The following CNR1 variants were observed in gnomAD, a reference collection of about 807,000 sequenced individuals.
The protein encoded by CNR1 is cannabinoid receptor 1 (brain).
In CNR1, 10 loss-of-function variants were observed where a neutral mutation model predicts 23.0. The ratio of observed to expected loss-of-function variants is 0.43; its 90% CI spans 0.27 to 0.74. The LOEUF (loss-of-function observed/expected upper bound fraction) is 0.74, where lower values mean the gene tolerates loss of function less well. Among genes scored for constraint, CNR1 ranks in the 30% least tolerant of loss-of-function variants. The pLI is 0.19. For synonymous variants in CNR1, 271 were observed against 255.2 expected (o/e 1.06, Z -0.59); for missense variants, 422 against 618.8 (o/e 0.68, Z 3.37).
At chr6:88,166,783 G>A (rs1211665151), upstream of CNR1, among the ~76,000 whole-genome samples, 2 of 128,546 alleles carry the variant, frequency 1.6e-5, no homozygotes, top group African/African-American at 5.3e-5. Flanking sequence ...CTGGGGCAGC[G>A]GGCTGAGCCG....
intron 1 of CNR1, among the ~76,000 whole-genome samples, chr6:88,160,269 TCAA>T (rs1187309800): frequency 2.0e-5 from 3 of 152,138 alleles, no homozygotes; most frequent in Non-Finnish European, 4.4e-5. Flanking sequence ...CCAGCCTGGG[TCAA>T]CAGTGAGACT....
chr6:88,146,119 C>A (rs775573275), intron 1 of CNR1, among the ~76,000 whole-genome samples: 1 of 151,282 alleles, frequency 6.6e-6, no homozygotes, highest in Non-Finnish European at 1.5e-5. Flanking sequence ...TTCTTTCTTT[C>A]TTTTTGATAC....
At chr6:88,148,966 T>A (rs368130003) in intron 1 of CNR1, among the ~76,000 whole-genome samples, 1 of 152,176 alleles carries the variant, frequency 6.6e-6, no homozygotes, top group Non-Finnish European at 1.5e-5. Context: ...ATTGAGGGTT[T>A]TTTTTAGTCT....
chr6:88,145,477 A>G (rs893508135), intron 1 of CNR1, 140 bp from the exon 2 acceptor site: 1 of 546,660 alleles, frequency 1.8e-6, no homozygotes, highest in African/African-American at 1.9e-5. Context: ...TTCTCATCAG[A>G]TTCAGTCAAC....
At chr6:88,163,823 A>G (rs1778230379) in intron 1 of CNR1, among the ~76,000 whole-genome samples, 1 of 152,242 alleles carries the variant, frequency 6.6e-6, no homozygotes, top group Non-Finnish European at 1.5e-5. Flanking sequence ...GAAATGCCAA[A>G]AAGAACACAC....
intron 1 of CNR1, among the ~76,000 whole-genome samples, chr6:88,149,693 A>G (rs934105435): frequency 6.6e-6 from 1 of 152,216 alleles, no homozygotes; most frequent in African/African-American, 2.4e-5. Context: ...TTATCTGGAT[A>G]GAAGCTCTCT....
rs1474775315 is a variant in CNR1 at position 88,141,522 on chromosome 6, A to G, written c.*2334T>C. The G allele has an allele frequency of 6.6e-6, 1 of 152,404 alleles. No homozygotes were observed. The highest frequency in any genetic ancestry group is 1.9e-4 in the East Asian group (1 of 5,338). 9.4% of individuals were successfully genotyped at this position (152,404 alleles called of 1,614,324 possible). ...AGCTCTTCATAGCTGTGAAAAGAGCATTGGTACTGCCTGGTGAGCTCTGAA... is the reference window on the plus strand; with the variant it reads ...AGCTCTTCATAGCTGTGAAAAGAGCGTTGGTACTGCCTGGTGAGCTCTGAA... On this transcript the variant is annotated 3_prime_UTR_variant, in exon 2 of 2. Transcript: ENST00000369501.
chr6:88,146,007 G>A (rs1277624695), intron 1 of CNR1, among the ~76,000 whole-genome samples: 2 of 152,172 alleles, frequency 1.3e-5, no homozygotes, highest in Non-Finnish European at 2.9e-5. Context: ...CGGAGCCATG[G>A]CTGACATGAC....
At chr6:88,163,157 T>A (rs1778194025) in intron 1 of CNR1, 1 of 152,226 alleles carries the variant, frequency 6.6e-6, no homozygotes, top group Non-Finnish European at 1.5e-5. Flanking sequence ...CTTTATAACA[T>A]AGATCAATTC....
Position 88,144,122 on chromosome 6 carries a change from G to A in CNR1, c.1153C>T (p.Leu385Phe). Reference protein sequence around the residue: ...IKTVFAFCSMLCLLNSTVNPI... With the variant: ...IKTVFAFCSMFCLLNSTVNPI... ...TTCACGGTGGAGTTCAGCAGGCAGAGCATACTGCAGAATGCAAACACCGTC... is the reference window on the plus strand; with the variant it reads ...TTCACGGTGGAGTTCAGCAGGCAGAACATACTGCAGAATGCAAACACCGTC... Residue 385 changes from leucine to phenylalanine, a missense_variant, in exon 2 of 2, where the codon CTC becomes TTC. Transcript: ENST00000369501. This position sits in a 1 kb window ranked among gnomAD's most constrained non-coding sequence, Gnocchi z 7.8. 1 of 1,614,054 alleles carries A rather than the reference G, an allele frequency of 6.2e-7. No homozygotes were observed. The highest frequency in any genetic ancestry group is 8.5e-7 in the Non-Finnish European group (1 of 1,180,026).
At chr6:88,163,064 T>C (rs1778187403) in intron 1 of CNR1, 1 of 152,230 alleles carries the variant, frequency 6.6e-6, no homozygotes, top group Admixed American at 6.5e-5. Flanking sequence ...GAGCCTGTCC[T>C]TTAGGTTACT....
chr6:88,156,820 G>GT (rs1777827060), intron 1 of CNR1, among the ~76,000 whole-genome samples: 1 of 152,196 alleles, frequency 6.6e-6, no homozygotes, highest in South Asian at 2.1e-4. Flanking sequence ...ACCATGGACA[G>GT]TTTTTTCTGG....
chr6:88,144,021 A>C lies in CNR1; in HGVS notation c.1254T>G (p.Thr418=). 6.2e-7 allele frequency: 1 copy of C among 1,614,058 alleles called. No homozygotes were observed. Among genetic ancestry groups the C allele is most frequent in the Non-Finnish European group, 8.5e-7 (1 of 1,180,006 alleles). ...FRSMFPSCEG[T]AQPLDNSMGD... The stretch of plus-strand genomic sequence containing the variant: ...CCATGCTGTTATCCAGAGGCTGCGC[A>C]GTGCCTTCACAAGAGGGAAACATGC... The change falls in exon 2 of 2, where the codon ACT becomes ACG. Residue 418 remains threonine (T), a synonymous_variant. Coordinates refer to ENST00000369501, the MANE Select transcript of CNR1 (RefSeq NM_016083.6). The surrounding 1 kb of genome is among the most constrained non-coding windows in gnomAD (Gnocchi z 7.8).
intron 1 of CNR1, among the ~76,000 whole-genome samples, chr6:88,149,606 C>T (rs1480281340): frequency 6.6e-6 from 1 of 152,242 alleles, no homozygotes. Flanking sequence ...ACCAGGCTTA[C>T]TGGCCCTGAG....
Position 88,140,394 on chromosome 6 carries a change from G to C in CNR1, c.*3462C>G, listed in dbSNP as rs76731415. The C allele has an allele frequency of 7.3e-4, 111 of 152,852 alleles. 1 individual carries two copies. The highest frequency in any genetic ancestry group is 2.1e-3 in the Admixed American group (32 of 15,296). 9.5% of individuals were successfully genotyped at this position (152,852 alleles called of 1,614,324 possible). On this transcript the variant is annotated 3_prime_UTR_variant, in exon 2 of 2. Transcript: ENST00000369501. Reference sequence around the variant, plus strand: ...GAAACTCTCCCATCCGAAAATTACTGATTTGTAGGCCACTGCTCAAACATC... The same window carrying C: ...GAAACTCTCCCATCCGAAAATTACTCATTTGTAGGCCACTGCTCAAACATC...
chr6:88,161,556 T>C (rs989595080), intron 1 of CNR1, among the ~76,000 whole-genome samples: 4 of 152,218 alleles, frequency 2.6e-5, no homozygotes, highest in African/African-American at 7.2e-5. Flanking sequence ...TAAACTATTA[T>C]AAAAAATATA....
In CNR1 at chr6:88,164,849, TGAG is replaced by T. The variant is rs541908486; in HGVS notation, c.-64+951_-64+953del. 7.9e-5 allele frequency among the ~76,000 whole-genome samples: 12 copies of T among 152,278 alleles called. No individual in the cohort carries two copies. The South Asian group carries it at 1.9e-3, about 24-fold the overall frequency. On this transcript the variant is annotated intron_variant, in intron 1 of 1. Transcript: ENST00000369501. Reference sequence around the variant, plus strand: ...AAAGATATTAACTTGGTAATAAAAATGAGGAGAAGTTATGGGACCCACAGAGAT... The same window carrying T: ...AAAGATATTAACTTGGTAATAAAAATGAGAAGTTATGGGACCCACAGAGAT...
At position 88,143,894 on chromosome 6, in the gene CNR1, T is replaced by C; in HGVS notation, c.1381A>G (p.Met461Val). 2 of 1,613,962 alleles carry C rather than the reference T, an allele frequency of 1.2e-6. No homozygotes were observed. Among genetic ancestry groups the C allele is most frequent in the Non-Finnish European group, 1.7e-6 (2 of 1,179,974 alleles). ...GCAGACGTGTCTGTGGACACAGACA[T>C]GGTTACCTTGGCAATCTTGACCGTG... Reference protein sequence around the residue: ...KSTVKIAKVTMSVSTDTSAEA... With the variant: ...KSTVKIAKVTVSVSTDTSAEA... The change falls in exon 2 of 2, where the codon ATG becomes GTG. Residue 461 changes from methionine (M) to valine (V), a missense_variant. Transcript: ENST00000369501.
rs567956620 is a variant in CNR1, at chr6:88,164,017, A to C, written c.-64+1786T>G. Among the ~76,000 whole-genome samples, 14 of 152,326 alleles carry C rather than the reference A, an allele frequency of 9.2e-5. 1 individual carries two copies. The East Asian group carries it at 2.5e-3, about 27-fold the overall frequency. ...TTTAAAACTTTACACACTAAATAAT[A>C]ATCACTTATGGCTTATTTAAGGTTC... is the stretch of plus-strand genomic sequence containing the variant. On this transcript the variant is annotated intron_variant, in intron 1 of 1. Coordinates refer to ENST00000369501, the MANE Select transcript of CNR1 (RefSeq NM_016083.6).
Sources: gnomAD v4.1 joint callset for allele counts (sites outside exome capture counted in the v4.1 genomes callset) on GRCh38, gnomAD v4.1.1 for gene constraint, Gnocchi (gnomAD v3.1) non-coding constraint, MANE v1.5 for transcripts, NCBI Gene and HGNC (gene_info 2026-07-23, HGNC 2026-07-21) for gene names.